The following KXD1 variants were observed in gnomAD, a reference collection of about 807,000 sequenced individuals.
The protein encoded by KXD1 is kxDL motif-containing protein 1.
A neutral mutation model predicts 12.1 loss-of-function variants in KXD1; 5 were observed. The observed-to-expected ratio is 0.41, with a 90% confidence interval of 0.22 to 0.87. KXD1 has a LOEUF of 0.87. Ranked by LOEUF, KXD1 falls within the 40% of genes least tolerant of loss-of-function variation. The pLI is 0.31. For synonymous variants in KXD1, 98 were observed against 100.5 expected (o/e 0.98, Z 0.15); for missense variants, 193 against 244.9 (o/e 0.79, Z 1.41).
chr19:18,569,067 A>C lies in KXD1; in HGVS notation c.*436A>C. 5.7e-6 allele frequency: 1 copy of C among 176,892 alleles called. No homozygotes were observed. The highest frequency in any genetic ancestry group is 1.2e-5 in the Non-Finnish European group (1 of 82,088). 11.0% of individuals were successfully genotyped at this position (176,892 alleles called of 1,614,324 possible). On this transcript the variant is annotated 3_prime_UTR_variant, in exon 5 of 5. Coordinates refer to ENST00000222307, the MANE Select transcript of KXD1 (RefSeq NM_024069.4). ...CCCCAGCCCACCCCCGCACCCACTA[A>C]TTCTGCTTTTCCTGCCCCTTGCTCC...
intron 3 of KXD1, among the ~76,000 whole-genome samples, chr19:18,566,064 C>T (rs1396909576): frequency 1.3e-5 from 2 of 152,154 alleles, no homozygotes; most frequent in Non-Finnish European, 2.9e-5. Context: ...GTCCTGGCCT[C>T]AGATGATCCA....
chr19:18,565,026 G>T lies in KXD1; in HGVS notation c.254+5G>T, dbSNP rs1432899747. The T allele has an allele frequency of 3.8e-6, 6 of 1,569,440 alleles. No individual in the cohort carries two copies. Among genetic ancestry groups the T allele is most frequent in the Non-Finnish European group, 5.1e-6 (6 of 1,169,144 alleles). On this transcript the variant is annotated splice_donor_5th_base_variant and intron_variant, in intron 3 of 4. Coordinates refer to ENST00000222307, the MANE Select transcript of KXD1 (RefSeq NM_024069.4). ...CAGCATCTTCCGCCGTATCAGGTGG[G>T]TGCTCAGTGCCACCCCAGCCCAGCT...
At chr19:18,560,544 G>A (rs979662857) in intron 1 of KXD1, 1 of 152,196 alleles carries the variant, frequency 6.6e-6, no homozygotes, top group Non-Finnish European at 1.5e-5. Context: ...GGGCCCACAG[G>A]TTGGCTGTGA....
intron 2 of KXD1, among the ~76,000 whole-genome samples, chr19:18,562,567 T>C (rs1974973278): frequency 6.6e-6 from 1 of 152,236 alleles, no homozygotes; most frequent in African/African-American, 2.4e-5. Context: ...TTCAAGCGAT[T>C]TCTCCTGCCT....
chr19:18,562,700 G>C (rs557631686), intron 2 of KXD1, among the ~76,000 whole-genome samples: 9 of 152,226 alleles, frequency 5.9e-5, no homozygotes, highest in Non-Finnish European at 8.8e-5. Context: ...GACCTCAAGT[G>C]ATCCACCCGC....
intron 3 of KXD1, 168 bp downstream of exon 3, chr19:18,565,189 A>G (rs1238750925): frequency 7.1e-7 from 1 of 1,403,854 alleles, no homozygotes; most frequent in Admixed American, 2.9e-5. Flanking sequence ...TAAAATCTTG[A>G]CGTAAGTTTA....
chr19:18,568,401 G>C lies in KXD1; in HGVS notation c.302-1G>C. 2 of 1,612,322 alleles carry C rather than the reference G, an allele frequency of 1.2e-6. No individual in the cohort carries two copies. Among genetic ancestry groups the C allele is most frequent in the Non-Finnish European group, 1.7e-6 (2 of 1,178,586 alleles). On this transcript the variant is annotated splice_acceptor_variant, in intron 4 of 4. Coordinates refer to ENST00000222307, the MANE Select transcript of KXD1 (RefSeq NM_024069.4). LOFTEE classifies it high-confidence loss of function. ...CCAACTCTTGGGCCTCCTTCCCCCA[G>C]ATATCCCAGAGGCATCCTTCCTGGA...
chr19:18,562,402 G>T (rs575264304), intron 2 of KXD1, among the ~76,000 whole-genome samples: 1 of 152,188 alleles, frequency 6.6e-6, no homozygotes, highest in Non-Finnish European at 1.5e-5. Flanking sequence ...CTCCTGTCCC[G>T]AGACCTGGGG....
At chr19:18,565,172 C>T in intron 3 of KXD1, 151 bp downstream of exon 3, 2 of 1,428,044 alleles carry the variant, frequency 1.4e-6, no homozygotes, top group South Asian at 1.5e-5. Flanking sequence ...CAATTCCAAC[C>T]CTGGGATAAA....
chr19:18,566,766 C>T (rs1175125938), intron 3 of KXD1, among the ~76,000 whole-genome samples: 1 of 151,602 alleles, frequency 6.6e-6, no homozygotes, highest in African/African-American at 2.4e-5. Context: ...GCACTCCACC[C>T]TGGGCGACAG....
chr19:18,559,852 G>A (rs750395032), intron 1 of KXD1: 1 of 152,114 alleles, frequency 6.6e-6, no homozygotes, highest in Non-Finnish European at 1.5e-5. Flanking sequence ...TACATTAAGT[G>A]AGCTCTGAAA....
intron 4 of KXD1, among the ~76,000 whole-genome samples, chr19:18,567,483 T>C (rs1000520443): frequency 7.2e-5 from 11 of 152,204 alleles, no homozygotes; most frequent in Non-Finnish European, 1.0e-4. Context: ...CACGGGCTCA[T>C]GTGACACCAG....
intron 3 of KXD1, 23 bp from the exon 4 acceptor site, chr19:18,567,109 T>C: frequency 6.2e-7 from 1 of 1,613,438 alleles, no homozygotes. Context: ...GGTTAAGCCC[T>C]GTGTGCCTTC....
intron 4 of KXD1, 106 bp from the exon 5 acceptor site, chr19:18,568,296 A>G (rs1001754503): frequency 6.6e-6 from 5 of 756,794 alleles, no homozygotes; most frequent in Admixed American, 4.6e-5. Context: ...GTCAAGTCAT[A>G]CCCCCATGGG....
chr19:18,563,826 A>G (rs1159631453), intron 2 of KXD1, among the ~76,000 whole-genome samples: 1 of 148,716 alleles, frequency 6.7e-6, no homozygotes, highest in South Asian at 2.1e-4. Flanking sequence ...TTTAGAAGAG[A>G]TGTGGTTTCA....
At chr19:18,565,229 A>ATTT in intron 3 of KXD1, 3 of 1,088,142 alleles carry the variant, frequency 2.8e-6, no homozygotes, top group Non-Finnish European at 3.6e-6. Flanking sequence ...ATCGAGACAG[A>ATTT]GTTTTTTTTT....
At chr19:18,564,573 A>G (rs1975107343) in intron 2 of KXD1, among the ~76,000 whole-genome samples, 1 of 152,148 alleles carries the variant, frequency 6.6e-6, no homozygotes, top group South Asian at 2.1e-4. Flanking sequence ...CAGTGAGCCG[A>G]GATCGCGCCA....
intron 3 of KXD1, among the ~76,000 whole-genome samples, 174 bp from the exon 4 acceptor site, chr19:18,566,958 G>A (rs921060028): frequency 1.3e-5 from 2 of 152,226 alleles, no homozygotes; most frequent in Admixed American, 6.5e-5. Flanking sequence ...TGTCAGGGCC[G>A]TGGCTGCTGG....
chr19:18,559,235 A>T (rs964259988), intron 1 of KXD1: 1 of 152,060 alleles, frequency 6.6e-6, no homozygotes, highest in African/African-American at 2.4e-5. Flanking sequence ...GTGATCCACC[A>T]GCCTTGGCTT....
Sources: gnomAD v4.1 joint callset for allele counts (sites outside exome capture counted in the v4.1 genomes callset) on GRCh38, gnomAD v4.1.1 for gene constraint, MANE v1.5 for transcripts, NCBI Gene and HGNC (gene_info 2026-07-23, HGNC 2026-07-21) for gene names.